TBL1X: variants seen among roughly 807,000 people sequenced by gnomAD.
TBL1X encodes the protein F-box-like/WD repeat-containing protein TBL1X.
A neutral mutation model predicts 50.7 loss-of-function variants in TBL1X; 10 were observed. The ratio of observed to expected loss-of-function variants is 0.20; its 90% CI spans 0.12 to 0.33. The LOEUF (loss-of-function observed/expected upper bound fraction) is 0.33. Ranked by LOEUF, TBL1X falls within the 10% of genes least tolerant of loss-of-function variation. TBL1X has a pLI of 1.00. For missense variants in TBL1X, 340 were observed against 504.4 expected, an observed-to-expected ratio of 0.67 and a Z score of 3.12; for synonymous variants, 190 against 214.7, an observed-to-expected ratio of 0.88 and a Z score of 1.01.
intron 2 of TBL1X, among the ~76,000 whole-genome samples, chrX:9,599,029 C>G (rs1313857411): frequency 9.1e-6 from 1 of 109,719 alleles, no homozygotes; most frequent in Admixed American, 9.8e-5. Flanking sequence ...CTGCAACCCC[C>G]GCCTCCTGGG....
chrX:9,701,994 G>T (rs1030526604), intron 12 of TBL1X, among the ~76,000 whole-genome samples: 5 of 111,819 alleles, frequency 4.5e-5, no homozygotes, highest in Non-Finnish European at 9.4e-5. Context: ...GAGCTGGATG[G>T]GGAAGCGAAT....
At chrX:9,652,754 G>A (rs2082842587) in intron 3 of TBL1X, among the ~76,000 whole-genome samples, 1 of 110,151 alleles carries the variant, frequency 9.1e-6, no homozygotes, top group African/African-American at 3.3e-5. Context: ...GGGAGGCTGA[G>A]GTGAGAGGAT....
Position 9,551,642 on chromosome X carries a change from G to C in TBL1X, c.-131+49793G>C, listed in dbSNP as rs765460536. ...GCTGACATATACTCCCTATGAAGAG[G>C]GGGGAAGAACTGTGTTGGCCCATGG... On this transcript the variant is annotated intron_variant, in intron 2 of 17. Transcript: ENST00000645353. 9.0e-5 allele frequency among the ~76,000 whole-genome samples: 10 copies of C among 111,614 alleles called. No homozygotes were observed. In the East Asian group the frequency reaches 2.5e-3, roughly 28 times the overall value.
intron 5 of TBL1X, among the ~76,000 whole-genome samples, chrX:9,681,102 T>G (rs2083022864): frequency 8.9e-6 from 1 of 111,934 alleles, no homozygotes; most frequent in Admixed American, 9.4e-5. Flanking sequence ...TACTCAACAT[T>G]AAAAACCCAG....
intron 12 of TBL1X, among the ~76,000 whole-genome samples, chrX:9,702,654 C>T (rs1257500217): frequency 9.2e-6 from 1 of 109,182 alleles, no homozygotes; most frequent in Non-Finnish European, 1.9e-5. Context: ...CTATATTGGT[C>T]GATTGGTAAG....
At chrX:9,707,007 G>A (rs930696487) in intron 13 of TBL1X, among the ~76,000 whole-genome samples, 7 of 111,831 alleles carry the variant, frequency 6.3e-5, no homozygotes, top group African/African-American at 1.6e-4. Context: ...AGTAGCTGCT[G>A]GCCTGCGTGT....
chrX:9,611,796 A>C (rs1277396620), intron 2 of TBL1X, among the ~76,000 whole-genome samples: 1 of 111,877 alleles, frequency 8.9e-6, no homozygotes, highest in African/African-American at 3.3e-5. Context: ...GCAGTCTGTT[A>C]GGGAGGGGGT....
intron 2 of TBL1X, among the ~76,000 whole-genome samples, chrX:9,622,774 T>A (rs922743760): frequency 1.8e-5 from 2 of 112,353 alleles, no homozygotes; most frequent in Non-Finnish European, 3.8e-5. Context: ...AGTGCTGGGA[T>A]TACAGGCGTG....
intron 5 of TBL1X, among the ~76,000 whole-genome samples, chrX:9,669,411 T>G (rs144356791): frequency 9.0e-6 from 1 of 111,672 alleles, no homozygotes; most frequent in African/African-American, 3.3e-5. Context: ...TAAAATGTGT[T>G]CTTTCCTGTC....
At chrX:9,568,698 T>C (rs1255355688) in intron 2 of TBL1X, among the ~76,000 whole-genome samples, 1 of 107,968 alleles carries the variant, frequency 9.3e-6, no homozygotes, top group African/African-American at 3.4e-5. Context: ...TGATGTGCTG[T>C]GTGTGTTGTG....
chrX:9,495,840 G>A (rs780511528), intron 1 of TBL1X, among the ~76,000 whole-genome samples: 10 of 111,084 alleles, frequency 9.0e-5, no homozygotes, highest in African/African-American at 1.6e-4. Flanking sequence ...AATAGACTGC[G>A]AAAAGGACAC....
chrX:9,684,351 G>A (rs184470326), intron 6 of TBL1X, among the ~76,000 whole-genome samples, 163 bp downstream of exon 6: 1 of 110,829 alleles, frequency 9.0e-6, no homozygotes, highest in African/African-American at 3.3e-5. Context: ...TTGGGAGGCC[G>A]AGGCAGGAAG....
At chrX:9,646,929 A>C (rs935719661) in intron 3 of TBL1X, among the ~76,000 whole-genome samples, 4 of 112,014 alleles carry the variant, frequency 3.6e-5, no homozygotes, top group Non-Finnish European at 7.5e-5. Context: ...GCCTCTTGGC[A>C]AGAAACGAAC....
At chrX:9,677,332 G>A (rs1433205597) in intron 5 of TBL1X, among the ~76,000 whole-genome samples, 11 of 110,231 alleles carry the variant, frequency 1.0e-4, no homozygotes, top group African/African-American at 3.6e-4. Context: ...CTACATATAC[G>A]TTTTGGTTTC....
At chrX:9,644,053 A>G (rs113405099) in intron 3 of TBL1X, among the ~76,000 whole-genome samples, 1,564 of 112,067 alleles carry the variant, frequency 0.014, 43 homozygotes, top group African/African-American at 0.048. Flanking sequence ...GAGACTCATC[A>G]TGGTCAAATT....
At chrX:9,689,602 C>G (rs1332713298) in intron 7 of TBL1X, among the ~76,000 whole-genome samples, 1 of 111,626 alleles carries the variant, frequency 9.0e-6, no homozygotes, top group East Asian at 2.8e-4. Context: ...CACCCCAACC[C>G]CCTTCTCAAA....
At chrX:9,467,382 C>T (rs1246572829) in intron 1 of TBL1X, among the ~76,000 whole-genome samples, 2 of 112,195 alleles carry the variant, frequency 1.8e-5, no homozygotes, top group Non-Finnish European at 3.8e-5. Flanking sequence ...TGCTCTGCCC[C>T]GCAGCAGTGC....
chrX:9,653,598 C>A lies in TBL1X; in HGVS notation c.12C>A (p.Leu4=). 8.5e-7 allele frequency: 1 copy of A among 1,169,746 alleles called. No individual in the cohort carries two copies. ...AGGTGACATGTAGCATGACCGAGCT[C>A]GCTGGCGCCTCTTCATCGTGCTGCC... The part of the protein sequence containing the change: MTE[L]AGASSSCCHR... The change falls in exon 4 of 18, where the codon CTC becomes CTA. Residue 4 remains leucine, a synonymous_variant. Transcript: ENST00000645353.
chrX:9,712,007 A>C (rs1164355591), intron 16 of TBL1X, among the ~76,000 whole-genome samples: 1 of 110,430 alleles, frequency 9.1e-6, no homozygotes, highest in Non-Finnish European at 1.9e-5. Context: ...TGTCCACCGT[A>C]ATCATGGCTC....
Sources: allele counts gnomAD v4.1 joint callset (sites outside exome capture counted in the v4.1 genomes callset), GRCh38; gene constraint gnomAD v4.1.1; transcripts MANE v1.5; gene names NCBI Gene and HGNC (gene_info 2026-07-23, HGNC 2026-07-21).